NDRG1: variants seen among roughly 807,000 people sequenced by gnomAD.
NDRG1 encodes the protein protein NDRG1.
NDRG1 carries 32 observed loss-of-function variants against 56.9 expected under a neutral mutation model. The ratio of observed to expected loss-of-function variants is 0.56; its 90% CI spans 0.42 to 0.76. The LOEUF (loss-of-function observed/expected upper bound fraction) is 0.76. Ranked by LOEUF, NDRG1 falls within the 30% of genes least tolerant of loss-of-function variation. NDRG1 has a pLI of 0.00. For synonymous variants in NDRG1, 211 were observed against 204.1 expected, an observed-to-expected ratio of 1.03 and a Z score of -0.29; for missense variants, 507 against 545.7, an observed-to-expected ratio of 0.93 and a Z score of 0.71.
chr8:133,251,788 G>A (rs1299728848), intron 9 of NDRG1, among the ~76,000 whole-genome samples: 6 of 152,184 alleles, frequency 3.9e-5, no homozygotes, highest in African/African-American at 9.7e-5. Flanking sequence ...GTTTTTGCAG[G>A]TGTAATTAAT....
Position 133,262,032 on chromosome 8 carries a change from C to G in NDRG1, c.326+15G>C, listed in dbSNP as rs1363981880. On this transcript the variant is annotated intron_variant, in intron 5 of 15. Coordinates refer to ENST00000323851, the MANE Select transcript of NDRG1 (RefSeq NM_006096.4). ...TTTCCACCCTGTAGAGCTCATAGGG[C>G]AAGAGGCCTCTCACCCTGCGGGGAA... is the stretch of plus-strand genomic sequence containing the variant. 1 of 1,605,816 alleles carries G rather than the reference C, an allele frequency of 6.2e-7. No homozygotes were observed. Among genetic ancestry groups the G allele is most frequent in the Admixed American group, 1.7e-5 (1 of 58,482 alleles).
At chr8:133,286,515 C>A (rs1201717733) in intron 1 of NDRG1, among the ~76,000 whole-genome samples, 1 of 152,200 alleles carries the variant, frequency 6.6e-6, no homozygotes, top group Non-Finnish European at 1.5e-5. Flanking sequence ...TTTATTCCTA[C>A]AGCTTAGCTT....
chr8:133,260,947 T>C (rs2130732891), intron 5 of NDRG1, among the ~76,000 whole-genome samples: 1 of 152,072 alleles, frequency 6.6e-6, no homozygotes, highest in South Asian at 2.1e-4. Flanking sequence ...TTGACCATAA[T>C]TGCACAAGGG....
At chr8:133,291,838 G>A (rs1487373478) in intron 1 of NDRG1, among the ~76,000 whole-genome samples, 1 of 152,184 alleles carries the variant, frequency 6.6e-6, no homozygotes, top group African/African-American at 2.4e-5. Flanking sequence ...AGCCAAAGCC[G>A]CATTCACTCC....
intron 12 of NDRG1, among the ~76,000 whole-genome samples, chr8:133,247,411 G>A (rs1855746182): frequency 6.6e-6 from 1 of 152,246 alleles, no homozygotes. Flanking sequence ...TTGTTTGAAA[G>A]GCAGATTCCT....
At chr8:133,250,942 A>C (rs919054534) in intron 9 of NDRG1, among the ~76,000 whole-genome samples, 1 of 151,392 alleles carries the variant, frequency 6.6e-6, no homozygotes, top group African/African-American at 2.4e-5. Flanking sequence ...AAGAGAGAGA[A>C]TGTTGCCTAC....
At chr8:133,260,570 CT>C (rs1178673129) in intron 5 of NDRG1, among the ~76,000 whole-genome samples, 1 of 152,202 alleles carries the variant, frequency 6.6e-6, no homozygotes, top group African/African-American at 2.4e-5. Flanking sequence ...AGAGTCTCTG[CT>C]TTCCCCCAAG....
chr8:133,291,602 C>T (rs1586503792), intron 1 of NDRG1, among the ~76,000 whole-genome samples: 1 of 152,084 alleles, frequency 6.6e-6, no homozygotes, highest in East Asian at 1.9e-4. Flanking sequence ...ATTCACTGGA[C>T]CTTCAAGAAA....
chr8:133,244,611 T>A lies in NDRG1; in HGVS notation c.856-221A>T, dbSNP rs58851829. 69,671 of 639,554 alleles carry A rather than the reference T, an allele frequency of 0.11. 4,402 individuals carry two copies. The highest frequency in any genetic ancestry group is 0.21 in the Admixed American group (9,407 of 44,504). The allele number at this position is 639,554 out of a possible 1,614,324, so 39.6% of individuals were successfully genotyped here. On this transcript the variant is annotated intron_variant, in intron 13 of 15. Coordinates refer to ENST00000323851, the MANE Select transcript of NDRG1 (RefSeq NM_006096.4). ...CAACCATCACTTGCAGCTTGCTACG[T>A]GCCAGGCACTATGCTAGGCCCTACA...
At chr8:133,262,286 T>C (rs1856699553) in intron 4 of NDRG1, 119 bp from the exon 5 acceptor site, 1 of 1,322,222 alleles carries the variant, frequency 7.6e-7, no homozygotes, top group Non-Finnish European at 1.1e-6. Context: ...GAAGTGAACT[T>C]AGAAGAACAC....
chr8:133,295,376 C>T (rs1056091771), intron 1 of NDRG1, among the ~76,000 whole-genome samples: 54 of 152,356 alleles, frequency 3.5e-4, no homozygotes, highest in African/African-American at 1.3e-3. Context: ...GCTAAGAAGT[C>T]ACAGGTCAGG....
intron 1 of NDRG1, among the ~76,000 whole-genome samples, chr8:133,291,848 C>T (rs1023325554): frequency 1.3e-5 from 2 of 152,184 alleles, no homozygotes; most frequent in African/African-American, 4.8e-5. Context: ...GCATTCACTC[C>T]CTGGGTGTGG....
intron 5 of NDRG1, 177 bp from the exon 6 acceptor site, chr8:133,259,407 T>C (rs1248654736): frequency 6.1e-6 from 4 of 659,146 alleles, no homozygotes; most frequent in Non-Finnish European, 1.1e-5. Context: ...GCACACTCTA[T>C]CAATTGCTTC....
intron 3 of NDRG1, 46 bp from the exon 4 acceptor site, chr8:133,264,698 G>T: frequency 1.3e-6 from 2 of 1,517,544 alleles, no homozygotes; most frequent in Non-Finnish European, 1.8e-6. Context: ...GGGGTTCATG[G>T]CATCCGCGTG....
intron 5 of NDRG1, among the ~76,000 whole-genome samples, chr8:133,259,964 G>A (rs2929985): frequency 0.26 from 39,201 of 152,076 alleles, 5,290 homozygotes; most frequent in Middle Eastern, 0.31. Context: ...CAGTGTATGC[G>A]GACGCCCTGG....
At position 133,257,282 on chromosome 8, in the gene NDRG1, TACACAC is replaced by T. The variant is rs58312135; in HGVS notation, c.451-425_451-420del. Among the ~76,000 whole-genome samples the T allele has an allele frequency of 6.7e-4, 99 of 146,818 alleles. 1 individual carries two copies. Among genetic ancestry groups the T allele is most frequent in the African/African-American group, 2.0e-3 (80 of 40,168 alleles). ...CTTACTTCCAGGATAAACACATGCATACACACACACACACACACACACACACACACA... is the reference window on the plus strand; with the variant it reads ...CTTACTTCCAGGATAAACACATGCATACACACACACACACACACACACACA... On this transcript the variant is annotated intron_variant, in intron 7 of 15. Transcript: ENST00000323851.
chr8:133,289,588 G>T (rs1858318056), intron 1 of NDRG1, among the ~76,000 whole-genome samples: 1 of 152,170 alleles, frequency 6.6e-6, no homozygotes, highest in Non-Finnish European at 1.5e-5. Flanking sequence ...CAGTCCAGCA[G>T]ACCCAGGAGA....
chr8:133,254,665 C>T, intron 8 of NDRG1, 70 bp from the exon 9 acceptor site: 1 of 1,511,982 alleles, frequency 6.6e-7, no homozygotes, highest in Non-Finnish European at 9.1e-7. Flanking sequence ...AGCAAAACCC[C>T]ACTTCCCTGG....
Position 133,258,378 on chromosome 8 carries a change from T to G in NDRG1, c.438A>C (p.Leu146=), listed in dbSNP as rs772535207. ...CCAAAGCACTCACAGCAAATCGAGTTAGGATGTAGGCGCCTGCTCCTGTTC... is the reference window on the plus strand; with the variant it reads ...CCAAAGCACTCACAGCAAATCGAGTGAGGATGTAGGCGCCTGCTCCTGTTC... ...GMGTGAGAYI[L]TRFALNNPEM... The change falls in exon 7 of 16, where the codon CTA becomes CTC. Residue 146 remains leucine, a synonymous_variant. Coordinates refer to ENST00000323851, the MANE Select transcript of NDRG1 (RefSeq NM_006096.4). The G allele has an allele frequency of 5.6e-6, 9 of 1,611,962 alleles. No homozygotes were observed. Among genetic ancestry groups the G allele is most frequent in the Non-Finnish European group, 7.6e-6 (9 of 1,179,206 alleles).
Sources: gnomAD v4.1 joint callset for allele counts (sites outside exome capture counted in the v4.1 genomes callset) on GRCh38, gnomAD v4.1.1 for gene constraint, MANE v1.5 for transcripts, NCBI Gene and HGNC (gene_info 2026-07-23, HGNC 2026-07-21) for gene names.